HOXA7: variants seen among roughly 807,000 people sequenced by gnomAD.
The protein encoded by HOXA7 is homeobox A7.
A neutral mutation model predicts 16.8 loss-of-function variants in HOXA7; 16 were observed. The observed-to-expected ratio is 0.95, with a 90% CI of 0.64 to 1.44. The LOEUF is 1.44. Among genes scored for constraint, HOXA7 ranks in the 40% most tolerant of loss-of-function variants. The pLI is 0.00. For missense variants in HOXA7, 379 were observed against 328.6 expected (o/e 1.15, Z -1.19); for synonymous variants, 169 against 144.3 (o/e 1.17, Z -1.23).
Position 27,154,571 on chromosome 7 carries a change from T to G in HOXA7, c.*338A>C. ...CTCTGGGGCTGGATACATAGGTAGT[T>G]TGGGGGTGCCTCGAGCAGAGGCCTG... On this transcript the variant is annotated 3_prime_UTR_variant, in exon 2 of 2. Transcript: ENST00000242159. 1 of 256,086 alleles carries G rather than the reference T, an allele frequency of 3.9e-6. No individual in the cohort carries two copies. The highest frequency in any genetic ancestry group is 8.1e-5 in the South Asian group (1 of 12,336). 15.9% of individuals were successfully genotyped at this position (256,086 alleles called of 1,614,324 possible).
rs200468253 is a variant in HOXA7, at chr7:27,155,001, C to T, written c.601G>A (p.Glu201Lys). The change falls in exon 2 of 2, where the codon GAG becomes AAG. Residue 201 changes from glutamate (E) to lysine (K), a missense_variant. Glu to Lys is a moderately conservative substitution (Grantham distance 56). Coordinates refer to ENST00000242159, the MANE Select transcript of HOXA7 (RefSeq NM_006896.4). ...GCGGCGGCAGAGGGCACGGCGCCCT[C>T]GGGAGCTGCGGCGGCAGTCGGACCT... ...DEGPTAAAAP[E>K]GAVPSAAATA... 4 of 1,613,966 alleles carry T rather than the reference C, an allele frequency of 2.5e-6. No homozygotes were observed. Among genetic ancestry groups the T allele is most frequent in the Non-Finnish European group, 1.7e-6 (2 of 1,179,954 alleles).
rs1476627731 is a variant in HOXA7, at chr7:27,156,379, T to C, written c.167A>G (p.Asn56Ser). ...GCTCTGATAAAGGGGGCTGTTGACA[T>C]TGTATAAGCCCGGAACGGTCGAGGC... ...AFASTVPGLYNVNSPLYQSPF... is the reference protein window; with the variant it reads ...AFASTVPGLYSVNSPLYQSPF... Residue 56 changes from asparagine to serine, a missense_variant, in exon 1 of 2, where the codon AAT becomes AGT. Transcript: ENST00000242159. 3 of 1,613,896 alleles carry C rather than the reference T, an allele frequency of 1.9e-6. No individual in the cohort carries two copies. In the East Asian group the frequency reaches 6.7e-5, roughly 36 times the overall value.
At position 27,156,528 on chromosome 7, in the gene HOXA7, A is replaced by C; in HGVS notation, c.18T>G (p.Tyr6Ter). The C allele has an allele frequency of 3.2e-6, 5 of 1,581,914 alleles. No individual in the cohort carries two copies. The highest frequency in any genetic ancestry group is 4.3e-6 in the Non-Finnish European group (5 of 1,162,078). The change falls in exon 1 of 2, where the codon TAT (tyrosine) becomes TAG (stop). Residue 6 changes from tyrosine (Y) to a stop codon, truncating the protein, a stop_gained. Coordinates refer to ENST00000242159, the MANE Select transcript of HOXA7 (RefSeq NM_006896.4). LOFTEE classifies it high-confidence loss of function. The part of the protein sequence containing the change: MSSSY[Y>*]VNALFSKYTA... ...TATATTTGCTAAAAAGCGCGTTCAC[A>C]TAATACGAAGAACTCATAATTTTGA...
In HOXA7 at chr7:27,155,115, T is replaced by G; in HGVS notation, c.487A>C (p.Ile163Leu). ...RYLTRRRRIE[I>L]AHALCLTERQ... ...TCGGTGAGGCAGAGCGCGTGGGCGA[T>G]TTCAATGCGGCGGCGCCGCGTCAGG... The change falls in exon 2 of 2, where the codon ATC (isoleucine) becomes CTC (leucine). Residue 163 changes from isoleucine (I) to leucine (L), a missense_variant. By Grantham distance (5) the Ile-to-Leu change is conservative. Transcript: ENST00000242159. The G allele has an allele frequency of 6.2e-7, 1 of 1,614,226 alleles. No homozygotes were observed. Among genetic ancestry groups the G allele is most frequent in the South Asian group, 1.1e-5 (1 of 91,088 alleles).
At chr7:27,155,910 C>T (rs1485261556) in intron 1 of HOXA7, 1 of 381,902 alleles carries the variant, frequency 2.6e-6, no homozygotes, top group Non-Finnish European at 4.6e-6. Flanking sequence ...AATAAATTTA[C>T]GAGGATCGAA....
rs1783114340 is a variant in HOXA7 at position 27,156,590 on chromosome 7, T to G, written c.-45A>C. 2.0e-6 allele frequency: 3 copies of G among 1,534,038 alleles called. No homozygotes were observed. Among genetic ancestry groups the G allele is most frequent in the Non-Finnish European group, 2.6e-6 (3 of 1,137,834 alleles). On this transcript the variant is annotated 5_prime_UTR_variant, in exon 1 of 2. Transcript: ENST00000242159. ...TTGTCCGGCAGCTTTCAGTGTCGGT[T>G]TTACGAGGTAGAGTGATATATGATA...
chr7:27,156,191 T>G lies in HOXA7; in HGVS notation c.355A>C (p.Ile119Leu). The change falls in exon 1 of 2, where the codon ATC (isoleucine) becomes CTC (leucine). Residue 119 changes from isoleucine (I) to leucine (L), a missense_variant. Physicochemically the swap from Ile to Leu is conservative, Grantham distance 5. Transcript: ENST00000242159. ...CCTGAAGACCGCATCCAGGGGTAGA[T>G]GCGGAAATTGGCCTCAGCCGCGCCA... is the stretch of plus-strand genomic sequence containing the variant. The part of the protein sequence containing the change: ...LHGAAEANFR[I>L]YPWMRSSGPD... The G allele has an allele frequency of 6.3e-7, 1 of 1,581,224 alleles. No individual in the cohort carries two copies. Among genetic ancestry groups the G allele is most frequent in the Non-Finnish European group, 8.6e-7 (1 of 1,162,872 alleles).
Position 27,154,962 on chromosome 7 carries a change from C to T in HOXA7, c.640G>A (p.Asp214Asn), listed in dbSNP as rs771551984. The change falls in exon 2 of 2, where the codon GAC (aspartate) becomes AAC (asparagine). Residue 214 changes from aspartate to asparagine, a missense_variant. Physicochemically the swap from Asp to Asn is conservative, Grantham distance 23. Coordinates refer to ENST00000242159, the MANE Select transcript of HOXA7 (RefSeq NM_006896.4). ...TCATCGTCCTCCTCGTCGGCCTTGT[C>T]CGCGGCAGCAGTGGCGGCGGCAGAG... ...VPSAAATAAA[D>N]KADEEDDDEE... 1 of 1,613,430 alleles carries T rather than the reference C, an allele frequency of 6.2e-7. No homozygotes were observed. The highest frequency in any genetic ancestry group is 8.5e-7 in the Non-Finnish European group (1 of 1,179,492).
Position 27,156,074 on chromosome 7 carries a change from G to GGCCCCGC in HOXA7, c.379+86_379+92dup, listed in dbSNP as rs979358073. On this transcript the variant is annotated intron_variant, in intron 1 of 1. Transcript: ENST00000242159. The stretch of plus-strand genomic sequence containing the variant: ...CGCAACAGCCTGGCTCCGCTCTTCC[G>GGCCCCGC]GCCCCGCGCCCCGCGCTCCGCGCTC... 6.1e-4 allele frequency: 818 copies of GGCCCCGC among 1,351,880 alleles called. 1 individual carries two copies. In the African/African-American group the frequency reaches 8.9e-3, roughly 15 times the overall value. The allele number at this position is 1,351,880 out of a possible 1,614,324, so 83.7% of individuals were successfully genotyped here. A position where few individuals can be genotyped will look rare whatever the true frequency, so the allele number is the denominator to read the frequency against.
chr7:27,154,746 TG>T lies in HOXA7; in HGVS notation c.*162del. On this transcript the variant is annotated 3_prime_UTR_variant, in exon 2 of 2. Coordinates refer to ENST00000242159, the MANE Select transcript of HOXA7 (RefSeq NM_006896.4). ...AAAAGTTGGGAGCTGGAGTAGGTGA[TG>T]GGGGTGGGTAGAGTGCAGGTTGGGG... The T allele has an allele frequency of 1.0e-6, 1 of 1,001,842 alleles. No individual in the cohort carries two copies. The highest frequency in any genetic ancestry group is 1.4e-6 in the Non-Finnish European group (1 of 710,300). The allele number at this position is 1,001,842 out of a possible 1,614,324, so 62.1% of individuals were successfully genotyped here.
Position 27,155,012 on chromosome 7 carries a change from G to T in HOXA7, c.590C>A (p.Ala197Asp). ...GGGCACGGCGCCCTCGGGAGCTGCG[G>T]CGGCAGTCGGACCTTCGTCCTTATG... ...KEHKDEGPTA[A>D]AAPEGAVPSA... Residue 197 changes from alanine to aspartate, a missense_variant, in exon 2 of 2, where the codon GCC (alanine) becomes GAC (aspartate). Transcript: ENST00000242159. The T allele has an allele frequency of 6.2e-7, 1 of 1,614,110 alleles. No homozygotes were observed. Among genetic ancestry groups the T allele is most frequent in the Non-Finnish European group, 8.5e-7 (1 of 1,179,958 alleles).
intron 1 of HOXA7, 85 bp downstream of exon 1, chr7:27,156,082 G>C: frequency 7.3e-7 from 1 of 1,363,334 alleles, no homozygotes. Flanking sequence ...CCGGCCCCGC[G>C]CCCCGCGCTC....
At chr7:27,156,076 C>T (rs1033251050) in intron 1 of HOXA7, 91 bp downstream of exon 1, 30 of 1,357,914 alleles carry the variant, frequency 2.2e-5, no homozygotes, top group Non-Finnish European at 2.7e-5. Flanking sequence ...GCTCTTCCGG[C>T]CCCGCGCCCC....
Position 27,155,550 on chromosome 7 carries a change from G to A in HOXA7, c.380-328C>T, listed in dbSNP as rs116870730. On this transcript the variant is annotated intron_variant, in intron 1 of 1. Coordinates refer to ENST00000242159, the MANE Select transcript of HOXA7 (RefSeq NM_006896.4). ...GTAAATATAGAGTGTGAGCAAGTGG[G>A]AAACGCTGCACTTTTGCCATTCAAA... 2,090 of 333,768 alleles carry A rather than the reference G, an allele frequency of 6.3e-3. 14 individuals carry two copies. The highest frequency in any genetic ancestry group is 9.1e-3 in the Non-Finnish European group (1,660 of 181,422). 20.7% of individuals were successfully genotyped at this position (333,768 alleles called of 1,614,324 possible). A position where few individuals can be genotyped will look rare whatever the true frequency, so the allele number is the denominator to read the frequency against.
In HOXA7 at chr7:27,156,424, C is replaced by T; in HGVS notation, c.122G>A (p.Gly41Glu). 6.8e-6 allele frequency: 11 copies of T among 1,613,880 alleles called. No individual in the cohort carries two copies. The highest frequency in any genetic ancestry group is 6.8e-6 in the Non-Finnish European group (8 of 1,179,816). Residue 41 changes from glycine (G) to glutamate (E), a missense_variant, in exon 1 of 2, where the codon GGG (glycine) becomes GAG (glutamate). Coordinates refer to ENST00000242159, the MANE Select transcript of HOXA7 (RefSeq NM_006896.4). Reference protein sequence around the residue: ...FAPNSQRSGYGAGAGAFASTV... With the variant: ...FAPNSQRSGYEAGAGAFASTV... ...CGAGGCGAAGGCGCCGGCGCCCGCC[C>T]CGTAGCCGCTTCTCTGTGAGTTGGG...
Position 27,155,010 on chromosome 7 carries a change from C to G in HOXA7, c.592G>C (p.Ala198Pro). Residue 198 changes from alanine to proline, a missense_variant, in exon 2 of 2, where the codon GCA (alanine) becomes CCA (proline). Coordinates refer to ENST00000242159, the MANE Select transcript of HOXA7 (RefSeq NM_006896.4). ...GAGGGCACGGCGCCCTCGGGAGCTGCGGCGGCAGTCGGACCTTCGTCCTTA... is the reference window on the plus strand; with the variant it reads ...GAGGGCACGGCGCCCTCGGGAGCTGGGGCGGCAGTCGGACCTTCGTCCTTA... The part of the protein sequence containing the change: ...EHKDEGPTAA[A>P]APEGAVPSAA... 1.9e-6 allele frequency: 3 copies of G among 1,614,036 alleles called. No homozygotes were observed. The highest frequency in any genetic ancestry group is 2.5e-6 in the Non-Finnish European group (3 of 1,179,918).
At chr7:27,155,804 GAGA>G (rs374838838) in intron 1 of HOXA7, 19 of 196,972 alleles carry the variant, frequency 9.6e-5, no homozygotes, top group East Asian at 2.5e-4. Flanking sequence ...TGAGGAGAGA[GAGA>G]AGAAGAAAGG....
In HOXA7 at chr7:27,156,562, T is replaced by G. The variant is rs1414167919; in HGVS notation, c.-17A>C. The G allele has an allele frequency of 6.4e-7, 1 of 1,552,400 alleles. No individual in the cohort carries two copies. Among genetic ancestry groups the G allele is most frequent in the East Asian group, 2.3e-5 (1 of 44,092 alleles). ...AGAACTCATAATTTTGACCTGTGATTTGTTGTCCGGCAGCTTTCAGTGTCG... is the reference window on the plus strand; with the variant it reads ...AGAACTCATAATTTTGACCTGTGATGTGTTGTCCGGCAGCTTTCAGTGTCG... On this transcript the variant is annotated 5_prime_UTR_variant, in exon 1 of 2. Coordinates refer to ENST00000242159, the MANE Select transcript of HOXA7 (RefSeq NM_006896.4).
intron 1 of HOXA7, chr7:27,155,722 G>A (rs1322596186): frequency 1.8e-5 from 3 of 168,322 alleles, no homozygotes; most frequent in Non-Finnish European, 3.8e-5. Flanking sequence ...CCTGGCACAG[G>A]GTCGGGTGAG....
Sources: allele counts gnomAD v4.1 joint callset, GRCh38; gene constraint gnomAD v4.1.1; transcripts MANE v1.5; gene names NCBI Gene and HGNC (gene_info 2026-07-23, HGNC 2026-07-21).